Variants in GLI2 observed in about 807,000 individuals in gnomAD.
GLI2 encodes GLI family zinc finger 2, also known as transcription activator GLI2.
A neutral mutation model predicts 78.9 loss-of-function variants in GLI2; 22 were observed. The observed-to-expected ratio is 0.28, with a 90% CI of 0.20 to 0.40. The LOEUF (loss-of-function observed/expected upper bound fraction) is 0.40, where lower values mean the gene tolerates loss of function less well. Ranked by LOEUF, GLI2 falls within the 10% of genes least tolerant of loss-of-function variation. The pLI is 1.00. For synonymous variants in GLI2, 974 were observed against 963.7 expected (o/e 1.01, Z -0.20); for missense variants, 2,097 against 2,213.2 (o/e 0.95, Z 1.05).
chr2:120,888,853 C>T (rs1677542156), intron 2 of GLI2, among the ~76,000 whole-genome samples: 1 of 152,142 alleles, frequency 6.6e-6, no homozygotes, highest in Non-Finnish European at 1.5e-5. Flanking sequence ...CAGGAGAACC[C>T]AACACTTCAA....
intron 3 of GLI2, among the ~76,000 whole-genome samples, chr2:120,950,924 C>CTGTGACG (rs1351875479): frequency 6.6e-6 from 1 of 152,256 alleles, no homozygotes; most frequent in East Asian, 1.9e-4. Context: ...CACAGTGCAA[C>CTGTGACG]TGTGACGTGT....
chr2:120,736,837 C>T (rs1682373287), intron 1 of GLI2, among the ~76,000 whole-genome samples: 1 of 150,646 alleles, frequency 6.6e-6, no homozygotes, highest in African/African-American at 2.4e-5. Context: ...TCGCCCGGCC[C>T]GGCCGCCCCC....
chr2:120,973,835 A>G (rs1682315929), intron 8 of GLI2, among the ~76,000 whole-genome samples: 1 of 152,154 alleles, frequency 6.6e-6, no homozygotes, highest in East Asian at 1.9e-4. Flanking sequence ...GCTCTTATGG[A>G]AAGTCAGGTG....
intron 3 of GLI2, among the ~76,000 whole-genome samples, chr2:120,944,860 G>A (rs563367896): frequency 6.6e-6 from 1 of 152,384 alleles, no homozygotes; most frequent in African/African-American, 2.4e-5. Context: ...AAATGCTGAC[G>A]ACTTTGTCAG....
chr2:120,940,434 A>G (rs1174839831), intron 3 of GLI2, among the ~76,000 whole-genome samples: 1 of 152,156 alleles, frequency 6.6e-6, no homozygotes, highest in Non-Finnish European at 1.5e-5. Context: ...CACCAGGCCT[A>G]TACTACTCAC....
In GLI2 at chr2:120,768,198, C is replaced by T. The variant is rs59431491; in HGVS notation, c.-30-29093C>T. Among the ~76,000 whole-genome samples, 554 of 152,382 alleles carry T rather than the reference C, an allele frequency of 3.6e-3. 5 individuals are homozygous for T. Among genetic ancestry groups the T allele is most frequent in the African/African-American group, 0.013 (531 of 41,596 alleles). On this transcript the variant is annotated intron_variant, in intron 1 of 13. Transcript: ENST00000361492. ...GGAGCCCGCCTTTACCCGGCGTCGGCTGCCAGGCCCTGTGCTCAGAGCCCC... is the reference window on the plus strand; with the variant it reads ...GGAGCCCGCCTTTACCCGGCGTCGGTTGCCAGGCCCTGTGCTCAGAGCCCC...
intron 2 of GLI2, among the ~76,000 whole-genome samples, chr2:120,896,327 G>T (rs1351551044): frequency 6.6e-6 from 1 of 152,160 alleles, no homozygotes; most frequent in African/African-American, 2.4e-5. Flanking sequence ...GTAGGCGAGG[G>T]CCATGACCCC....
At chr2:120,784,037 C>T in intron 1 of GLI2, among the ~76,000 whole-genome samples, 1 of 152,212 alleles carries the variant, frequency 6.6e-6, no homozygotes, top group Non-Finnish European at 1.5e-5. Flanking sequence ...CCGTTACCAG[C>T]TGTCTACTGG....
intron 1 of GLI2, among the ~76,000 whole-genome samples, chr2:120,744,088 T>G (rs1318343689): frequency 6.6e-6 from 1 of 152,236 alleles, no homozygotes; most frequent in African/African-American, 2.4e-5. Context: ...TTTCAGACTT[T>G]CCTCGAGGCT....
At chr2:120,899,559 G>A (rs1374647432) in intron 2 of GLI2, among the ~76,000 whole-genome samples, 4 of 152,188 alleles carry the variant, frequency 2.6e-5, no homozygotes, top group Non-Finnish European at 4.4e-5. Flanking sequence ...TGTCTGGGTC[G>A]AAAAGGTCTC....
chr2:120,771,407 G>A (rs1284420281), intron 1 of GLI2, among the ~76,000 whole-genome samples: 1 of 152,222 alleles, frequency 6.6e-6, no homozygotes, highest in South Asian at 2.1e-4. Context: ...CTTGGCCTCC[G>A]CATCTGTAAA....
In GLI2 at chr2:120,896,696, TACACACAC is replaced by T. The variant is rs70954513; in HGVS notation, c.149-30631_149-30624del. ...CCCCCCACACACTCACACACACCCA[TACACACAC>T]ACACACACACACACACACACACACA... On this transcript the variant is annotated intron_variant, in intron 2 of 13. Transcript: ENST00000361492. Among the ~76,000 whole-genome samples, 182 of 128,902 alleles carry T rather than the reference TACACACAC, an allele frequency of 1.4e-3. 1 individual carries two copies. Among genetic ancestry groups the T allele is most frequent in the Admixed American group, 1.7e-3 (23 of 13,198 alleles). The allele number at this position is 128,902 out of a possible 152,430, so 84.6% of individuals were successfully genotyped here. A position where few individuals can be genotyped will look rare whatever the true frequency, so the allele number is the denominator to read the frequency against.
chr2:120,826,448 G>A (rs1022280230), intron 2 of GLI2, among the ~76,000 whole-genome samples: 3 of 152,190 alleles, frequency 2.0e-5, no homozygotes, highest in Non-Finnish European at 2.9e-5. Context: ...GCTGCTGTTC[G>A]ATCTGGGAGG....
intron 2 of GLI2, among the ~76,000 whole-genome samples, chr2:120,897,836 C>A (rs1340195761): frequency 6.6e-6 from 1 of 152,122 alleles, no homozygotes; most frequent in Admixed American, 6.5e-5. Context: ...ACATGGTCAC[C>A]TCTTTAGGGT....
chr2:120,741,623 GC>G (rs1046281404), intron 1 of GLI2, among the ~76,000 whole-genome samples: 1 of 142,886 alleles, frequency 7.0e-6, no homozygotes, highest in African/African-American at 2.6e-5. Flanking sequence ...CCTCCTCCCC[GC>G]CCCCGCCGTC....
At chr2:120,827,503 A>G (rs527702996) in intron 2 of GLI2, among the ~76,000 whole-genome samples, 1 of 152,198 alleles carries the variant, frequency 6.6e-6, no homozygotes, top group East Asian at 1.9e-4. Context: ...ATGAAACAGA[A>G]TTACCTTACA....
rs751344451 is a variant in GLI2, at chr2:120,986,505, G to A, written c.2133G>A (p.Arg711=). 2.5e-6 allele frequency: 4 copies of A among 1,614,142 alleles called. No homozygotes were observed. The South Asian group carries it at 3.3e-5, about 13-fold the overall frequency. The change falls in exon 13 of 14, where the codon CGG becomes CGA. Residue 711 remains arginine (R), a synonymous_variant. Coordinates refer to ENST00000361492, the MANE Select transcript of GLI2 (RefSeq NM_001374353.1). ...GCAAACACATGACCACCATGCACCG[G>A]TTCGAGCAGCTCAAGAAGGAGAAGC... ...QLRKHMTTMH[R]FEQLKKEKLK...
At chr2:120,856,769 T>G (rs1178143318) in intron 2 of GLI2, among the ~76,000 whole-genome samples, 1 of 152,152 alleles carries the variant, frequency 6.6e-6, no homozygotes, top group African/African-American at 2.4e-5. Flanking sequence ...GCTGTCCCAC[T>G]GCATTCCTCA....
chr2:120,920,021 T>C (rs1423582855), intron 2 of GLI2, among the ~76,000 whole-genome samples: 1 of 152,242 alleles, frequency 6.6e-6, no homozygotes, highest in African/African-American at 2.4e-5. Flanking sequence ...TCGATTTCTC[T>C]CTGAAACCGG....
Sources: gnomAD v4.1 joint callset for allele counts (sites outside exome capture counted in the v4.1 genomes callset) on GRCh38, gnomAD v4.1.1 for gene constraint, MANE v1.5 for transcripts, NCBI Gene and HGNC (gene_info 2026-07-23, HGNC 2026-07-21) for gene names.